Variants in PTH2R observed in about 807,000 individuals in gnomAD.
PTH2R encodes the protein parathyroid hormone 2 receptor, also known as PTH2 receptor.
A neutral mutation model predicts 60.3 loss-of-function variants in PTH2R; 59 were observed. The observed-to-expected ratio is 0.98, with a 90% CI of 0.79 to 1.22. PTH2R has a LOEUF of 1.22. Ranked by LOEUF, PTH2R falls within the 50% of genes most tolerant of loss-of-function variation. The probability of loss-of-function intolerance (pLI) is 0.00; values close to 1 mark genes in which losing one functional copy is unlikely to be tolerated. For missense variants in PTH2R, 749 were observed against 682.6 expected (o/e 1.10, Z -1.08); for synonymous variants, 256 against 243.8 (o/e 1.05, Z -0.47).
intron 8 of PTH2R, among the ~76,000 whole-genome samples, chr2:208,455,795 A>G (rs889340954): frequency 2.6e-5 from 4 of 152,162 alleles, no homozygotes; most frequent in Admixed American, 6.5e-5. Context: ...TTGAGACTCA[A>G]TGTTTTCTAA....
chr2:208,369,509 GT>G (rs1194251137), intron 1 of PTH2R, among the ~76,000 whole-genome samples: 1 of 151,854 alleles, frequency 6.6e-6, no homozygotes, highest in Non-Finnish European at 1.5e-5. Flanking sequence ...GGGAGTACAG[GT>G]GCCCACCACC....
At chr2:208,379,167 G>T (rs965929377) in intron 1 of PTH2R, among the ~76,000 whole-genome samples, 7 of 152,106 alleles carry the variant, frequency 4.6e-5, no homozygotes, top group Non-Finnish European at 1.0e-4. Context: ...TGACACATTT[G>T]GCTGGGACTT....
rs556508253 is a variant in PTH2R, at chr2:208,448,633, C to CA, written c.854-2105dup. Among the ~76,000 whole-genome samples the CA allele has an allele frequency of 1.2e-3, 150 of 123,272 alleles. 3 individuals are homozygous for CA. The highest frequency in any genetic ancestry group is 2.1e-3 in the African/African-American group (70 of 32,728). 80.9% of individuals were successfully genotyped at this position (123,272 alleles called of 152,430 possible). ...TGGGTGACAGAGCAAGAATCCGTCTCAAAAAAAAAAAGAAAATAACTCAAC... is the reference window on the plus strand; with the variant it reads ...TGGGTGACAGAGCAAGAATCCGTCTCAAAAAAAAAAAAGAAAATAACTCAAC... On this transcript the variant is annotated intron_variant, in intron 7 of 12. Transcript: ENST00000272847.
rs535610191 is a variant in PTH2R, at chr2:208,471,492, G to A, written c.982-9578G>A. 8.5e-5 allele frequency among the ~76,000 whole-genome samples: 13 copies of A among 152,384 alleles called. No individual in the cohort carries two copies. In the East Asian group the frequency reaches 2.5e-3, roughly 29 times the overall value. On this transcript the variant is annotated intron_variant, in intron 9 of 12. Coordinates refer to ENST00000272847, the MANE Select transcript of PTH2R (RefSeq NM_005048.4). ...TGGGCCATGGCTTCAGAGGGTGCAA[G>A]CCCCAAGCCTTGGCAGCTTCCATGT...
intron 6 of PTH2R, 31 bp from the exon 7 acceptor site, chr2:208,444,703 A>G: frequency 6.2e-7 from 1 of 1,602,526 alleles, no homozygotes. Context: ...AAGTGTTCTA[A>G]TATGATGAAA....
upstream of PTH2R, chr2:208,406,743 G>C (rs1010015708): frequency 3.6e-5 from 10 of 279,564 alleles, no homozygotes; most frequent in African/African-American, 2.0e-4. Flanking sequence ...CCTGGGGCGG[G>C]AGCCGCCCCC....
intron 1 of PTH2R, among the ~76,000 whole-genome samples, chr2:208,370,980 A>C (rs1199699519): frequency 6.6e-6 from 1 of 151,946 alleles, no homozygotes; most frequent in Non-Finnish European, 1.5e-5. Flanking sequence ...AGAGGGAGCA[A>C]GAGAGAGGGT....
Position 208,419,094 on chromosome 2 carries a change from A to G in PTH2R, c.76-9107A>G, listed in dbSNP as rs552323487. ...AGTTCTAGATTCCTGAGCAATCGCC[A>G]TACCAACTTCCACAATGGTTGAACT... is the stretch of plus-strand genomic sequence containing the variant. On this transcript the variant is annotated intron_variant, in intron 1 of 12. Transcript: ENST00000272847. 5.9e-5 allele frequency among the ~76,000 whole-genome samples: 9 copies of G among 152,310 alleles called. No homozygotes were observed. The South Asian group carries it at 1.9e-3, about 32-fold the overall frequency.
At chr2:208,416,147 T>C (rs1372667065) in intron 1 of PTH2R, among the ~76,000 whole-genome samples, 1 of 152,086 alleles carries the variant, frequency 6.6e-6, no homozygotes, top group Non-Finnish European at 1.5e-5. Context: ...CCTTGAAAAA[T>C]AGTCTGTGTG....
chr2:208,408,581 C>G (rs1415124116), intron 1 of PTH2R, among the ~76,000 whole-genome samples: 1 of 151,640 alleles, frequency 6.6e-6, no homozygotes, highest in African/African-American at 2.4e-5. Context: ...AATCCCAGAA[C>G]TTTGGGAGAC....
chr2:208,392,138 A>C (rs1229811016), intron 1 of PTH2R, among the ~76,000 whole-genome samples: 1 of 152,194 alleles, frequency 6.6e-6, no homozygotes, highest in Non-Finnish European at 1.5e-5. Flanking sequence ...CAAATCTAGG[A>C]CTGCAAACCA....
intron 9 of PTH2R, among the ~76,000 whole-genome samples, chr2:208,464,033 G>A (rs1275356599): frequency 6.6e-6 from 1 of 152,208 alleles, no homozygotes; most frequent in Non-Finnish European, 1.5e-5. Context: ...CTTGTTGGTA[G>A]GAGTAGAGCT....
chr2:208,431,137 A>G (rs1049402115), intron 2 of PTH2R, among the ~76,000 whole-genome samples: 3 of 151,834 alleles, frequency 2.0e-5, no homozygotes, highest in Non-Finnish European at 1.5e-5. Flanking sequence ...CTTTACTGCT[A>G]TTTTGGTAAT....
intron 9 of PTH2R, among the ~76,000 whole-genome samples, chr2:208,479,122 A>G (rs1703087942): frequency 6.6e-6 from 1 of 152,048 alleles, no homozygotes; most frequent in South Asian, 2.1e-4. Context: ...ATATTTTAAA[A>G]TTCTTAATTC....
At chr2:208,492,663 T>C (rs1574921484) in intron 12 of PTH2R, among the ~76,000 whole-genome samples, 1 of 152,206 alleles carries the variant, frequency 6.6e-6, no homozygotes, top group East Asian at 1.9e-4. Flanking sequence ...GAGCTACATA[T>C]TTACAATTGT....
At chr2:208,450,419 A>G (rs938771142) in intron 7 of PTH2R, among the ~76,000 whole-genome samples, 1 of 152,158 alleles carries the variant, frequency 6.6e-6, no homozygotes, top group Non-Finnish European at 1.5e-5. Context: ...GCGTGACAAG[A>G]GTCAAAGTCA....
chr2:208,441,671 G>T (rs75987467), intron 4 of PTH2R, among the ~76,000 whole-genome samples: 5,532 of 152,292 alleles, frequency 0.036, 138 homozygotes, highest in Non-Finnish European at 0.055. Flanking sequence ...ATGGTGGAGA[G>T]GAGGAGGTGT....
At chr2:208,433,390 G>C (rs1039434439) in intron 2 of PTH2R, among the ~76,000 whole-genome samples, 12 of 152,206 alleles carry the variant, frequency 7.9e-5, no homozygotes, top group African/African-American at 2.9e-4. Flanking sequence ...ACACTGGAAT[G>C]ACATTTTGAA....
At chr2:208,375,058 A>G (rs1194315129) in intron 1 of PTH2R, among the ~76,000 whole-genome samples, 1 of 152,118 alleles carries the variant, frequency 6.6e-6, no homozygotes, top group Non-Finnish European at 1.5e-5. Flanking sequence ...TTAATTAGCA[A>G]CATGACAAAA....
Sources: allele counts gnomAD v4.1 joint callset (sites outside exome capture counted in the v4.1 genomes callset), GRCh38; gene constraint gnomAD v4.1.1; transcripts MANE v1.5; gene names NCBI Gene and HGNC (gene_info 2026-07-23, HGNC 2026-07-21).